The following MANBA variants were observed in gnomAD, a reference collection of about 807,000 sequenced individuals.
The protein encoded by MANBA is mannosidase beta.
MANBA carries 83 observed loss-of-function variants against 111.1 expected under a neutral mutation model. That is an observed-to-expected ratio of 0.75 (90% CI 0.63 to 0.90). The LOEUF (loss-of-function observed/expected upper bound fraction) is 0.90, where lower values mean the gene tolerates loss of function less well. Among genes scored for constraint, MANBA ranks in the 40% least tolerant of loss-of-function variants. The pLI, the probability that MANBA is intolerant of heterozygous loss-of-function variation, is 0.00. For synonymous variants in MANBA, 370 were observed against 378.7 expected (o/e 0.98, Z 0.27); for missense variants, 1,036 against 1,069.0 (o/e 0.97, Z 0.43).
intron 8 of MANBA, chr4:102,672,266 T>C (rs1731529739): frequency 2.6e-6 from 1 of 392,002 alleles, no homozygotes; most frequent in Admixed American, 4.4e-5. Context: ...ACAATGCACA[T>C]TTATACATTT....
chr4:102,707,580 CAAT>C (rs916844372), intron 5 of MANBA, among the ~76,000 whole-genome samples: 33 of 151,924 alleles, frequency 2.2e-4, no homozygotes, highest in African/African-American at 8.0e-4. Context: ...CAGTGATAAA[CAAT>C]AATAGAAACA....
chr4:102,682,146 CAAAA>C (rs1244673574), intron 7 of MANBA, among the ~76,000 whole-genome samples: 4 of 62,302 alleles, frequency 6.4e-5, no homozygotes, highest in Non-Finnish European at 3.5e-5. Context: ...AACTCTGTCT[CAAAA>C]AAAAAAAAAA....
rs1161918912 is a variant in MANBA, at chr4:102,674,043, C to T, written c.988G>A (p.Glu330Lys). The change falls in exon 8 of 17, where the codon GAA (glutamate) becomes AAA (lysine). Residue 330 changes from glutamate (E) to lysine (K), a missense_variant. By Grantham distance (56) the Glu-to-Lys change is moderately conservative. Transcript: ENST00000647097. ...CCAGGAGACCCTTTTATAGGCTCTT[C>T]TATAAGTTCCACTGTCCTAAAATAA... ...KVYFRTVELI[E>K]EPIKGSPGLS... 1.2e-6 allele frequency: 2 copies of T among 1,601,396 alleles called. No homozygotes were observed. The highest frequency in any genetic ancestry group is 1.7e-5 in the Admixed American group (1 of 60,000).
chr4:102,635,897 C>G lies in MANBA; in HGVS notation c.2125G>C (p.Asp709His). Reference sequence around the variant, plus strand: ...GTCATCGAATAATCCGAGTGAAGATCTGACACACCATAGATATAGAACGTG... The same window carrying G: ...GTCATCGAATAATCCGAGTGAAGATGTGACACACCATAGATATAGAACGTG... ...ENTFYIYGVSDLHSDYSMTLS... is the reference protein window; with the variant it reads ...ENTFYIYGVSHLHSDYSMTLS... The change falls in exon 15 of 17, where the codon GAT (aspartate) becomes CAT (histidine). Residue 709 changes from aspartate to histidine, a missense_variant. Asp to His is a moderately conservative substitution (Grantham distance 81). Transcript: ENST00000647097. 1 of 1,612,592 alleles carries G rather than the reference C, an allele frequency of 6.2e-7. No homozygotes were observed.
At chr4:102,665,305 A>T (rs906843464) in intron 10 of MANBA, 5 of 193,110 alleles carry the variant, frequency 2.6e-5, no homozygotes, top group African/African-American at 1.2e-4. Flanking sequence ...TACCACTGAA[A>T]GAAGGACGGA....
chr4:102,647,572 A>G (rs1730156702), intron 13 of MANBA, among the ~76,000 whole-genome samples: 1 of 152,032 alleles, frequency 6.6e-6, no homozygotes, highest in Non-Finnish European at 1.5e-5. Flanking sequence ...ACACACACAC[A>G]CACAAATAAT....
chr4:102,727,073 G>A (rs546518863), intron 1 of MANBA, among the ~76,000 whole-genome samples: 3 of 152,208 alleles, frequency 2.0e-5, no homozygotes, highest in South Asian at 2.1e-4. Flanking sequence ...CATCATGTCC[G>A]GCCTACAGTT....
At chr4:102,639,359 G>A (rs1415716591) in intron 14 of MANBA, among the ~76,000 whole-genome samples, 1 of 152,224 alleles carries the variant, frequency 6.6e-6, no homozygotes, top group Non-Finnish European at 1.5e-5. Context: ...AAGAAGGGAT[G>A]CTTAAGTTCA....
At chr4:102,684,242 G>A (rs761315061) in intron 7 of MANBA, among the ~76,000 whole-genome samples, 1 of 152,180 alleles carries the variant, frequency 6.6e-6, no homozygotes, top group Non-Finnish European at 1.5e-5. Flanking sequence ...CATAAAGCAA[G>A]CCCAGGGTAA....
intron 1 of MANBA, among the ~76,000 whole-genome samples, chr4:102,745,135 G>A (rs1432402348): frequency 6.6e-6 from 1 of 152,040 alleles, no homozygotes; most frequent in African/African-American, 2.4e-5. Flanking sequence ...TGACATTTTG[G>A]GTCCCTTGGT....
intron 1 of MANBA, chr4:102,727,641 T>A: frequency 6.6e-7 from 1 of 1,510,546 alleles, no homozygotes; most frequent in Middle Eastern, 2.2e-4. Flanking sequence ...ATTCCCATTG[T>A]GTTTCACAGT....
chr4:102,704,477 A>G (rs548969436), intron 5 of MANBA, among the ~76,000 whole-genome samples: 4 of 152,306 alleles, frequency 2.6e-5, no homozygotes, highest in African/African-American at 9.6e-5. Context: ...GCCTTGCATT[A>G]GTTTTGACCC....
At chr4:102,640,098 G>T (rs935649441) in intron 13 of MANBA, among the ~76,000 whole-genome samples, 1 of 152,068 alleles carries the variant, frequency 6.6e-6, no homozygotes, top group Non-Finnish European at 1.5e-5. Flanking sequence ...GTTTCATTAT[G>T]GTGACAATGG....
chr4:102,692,341 A>T (rs1048134925), intron 5 of MANBA, among the ~76,000 whole-genome samples: 1 of 152,206 alleles, frequency 6.6e-6, no homozygotes, highest in Non-Finnish European at 1.5e-5. Flanking sequence ...ATGAGGGATG[A>T]ACTTTGGGTG....
At chr4:102,638,636 G>A (rs1368887698) in intron 14 of MANBA, among the ~76,000 whole-genome samples, 1 of 152,184 alleles carries the variant, frequency 6.6e-6, no homozygotes, top group African/African-American at 2.4e-5. Flanking sequence ...GTATCCAAGA[G>A]TCTCTGAACA....
intron 10 of MANBA, chr4:102,668,418 T>C (rs1458378684): frequency 6.2e-6 from 1 of 160,446 alleles, no homozygotes; most frequent in African/African-American, 2.4e-5. Context: ...CACTACAACG[T>C]TGGGCATTAT....
At position 102,635,968 on chromosome 4, in the gene MANBA, T is replaced by C. The variant is rs1399583853; in HGVS notation, c.2054A>G (p.Gln685Arg). ...GKWKMLHYFA[Q>R]NFFAPLLPVG... The stretch of plus-strand genomic sequence containing the variant: ...TGGCAACAGTGGAGCAAAGAAATTC[T>C]GAGCAAAGTAATGAAGCATTTTCCA... Residue 685 changes from glutamine to arginine, a missense_variant, in exon 15 of 17, where the codon CAG (glutamine) becomes CGG (arginine). Coordinates refer to ENST00000647097, the MANE Select transcript of MANBA (RefSeq NM_005908.4). 16 of 1,613,626 alleles carry C rather than the reference T, an allele frequency of 9.9e-6. No homozygotes were observed. The highest frequency in any genetic ancestry group is 1.4e-5 in the Non-Finnish European group (16 of 1,179,602).
chr4:102,632,918 G>A (rs1560735898), intron 16 of MANBA, among the ~76,000 whole-genome samples: 1 of 152,190 alleles, frequency 6.6e-6, no homozygotes, highest in Non-Finnish European at 1.5e-5. Context: ...GTGAGGATGC[G>A]CTGCTCCCCA....
intron 14 of MANBA, 36 bp downstream of exon 14, chr4:102,639,677 T>C: frequency 6.2e-7 from 1 of 1,613,836 alleles, no homozygotes; most frequent in Middle Eastern, 1.7e-4. Flanking sequence ...CAGTGTTGCT[T>C]TCTCTCACTC....
Sources: allele counts gnomAD v4.1 joint callset (sites outside exome capture counted in the v4.1 genomes callset), GRCh38; gene constraint gnomAD v4.1.1; transcripts MANE v1.5; gene names NCBI Gene and HGNC (gene_info 2026-07-23, HGNC 2026-07-21).